The following AKT2 variants were observed in gnomAD, a reference collection of about 807,000 sequenced individuals.
The protein encoded by AKT2 is RAC-beta serine/threonine-protein kinase.
AKT2 carries 16 observed loss-of-function variants against 58.6 expected under a neutral mutation model. The ratio of observed to expected loss-of-function variants is 0.27; its 90% CI spans 0.18 to 0.41. The LOEUF (loss-of-function observed/expected upper bound fraction) is 0.41. Among genes scored for constraint, AKT2 ranks in the 10% least tolerant of loss-of-function variants. The probability of loss-of-function intolerance (pLI) is 1.00; values close to 1 mark genes in which losing one functional copy is unlikely to be tolerated. For synonymous variants in AKT2, 253 were observed against 254.0 expected (o/e 1.00, Z 0.04); for missense variants, 438 against 661.0 (o/e 0.66, Z 3.70).
intron 4 of AKT2, among the ~76,000 whole-genome samples, chr19:40,254,793 G>A (rs1319293917): frequency 2.6e-5 from 4 of 151,948 alleles, no homozygotes; most frequent in Non-Finnish European, 5.9e-5. Flanking sequence ...CCAAGATCAT[G>A]CCACTGCATT....
intron 4 of AKT2, 99 bp downstream of exon 4, chr19:40,255,059 C>A: frequency 1.0e-6 from 1 of 982,840 alleles, no homozygotes; most frequent in South Asian, 1.3e-5. Context: ...TAGGAAACCC[C>A]TATGTAGGGT....
At chr19:40,272,670 A>G (rs187358670) in intron 1 of AKT2, among the ~76,000 whole-genome samples, 2 of 152,332 alleles carry the variant, frequency 1.3e-5, no homozygotes, top group East Asian at 1.9e-4. Context: ...AAGCAGTTAT[A>G]TGATCAATGA....
At chr19:40,246,634 T>A (rs907766480) in intron 4 of AKT2, among the ~76,000 whole-genome samples, 2 of 152,228 alleles carry the variant, frequency 1.3e-5, no homozygotes, top group Non-Finnish European at 2.9e-5. Flanking sequence ...CAGACTAAGA[T>A]GTACAGCGTG....
In AKT2 at chr19:40,233,659, G is replaced by T; in HGVS notation, c.*213C>A. On this transcript the variant is annotated 3_prime_UTR_variant, in exon 14 of 14. Transcript: ENST00000392038. This position sits in a 1 kb window ranked among gnomAD's most constrained non-coding sequence, Gnocchi z 4.3. ...GGGCGGGAGGTGGAGTCTTCCAAAT[G>T]CGAGTCTGGGCACAAAGGTGAGGCT... The T allele has an allele frequency of 2.6e-6, 2 of 761,318 alleles. No homozygotes were observed. The highest frequency in any genetic ancestry group is 4.8e-6 in the Non-Finnish European group (2 of 416,434). The allele number at this position is 761,318 out of a possible 1,614,324, so 47.2% of individuals were successfully genotyped here.
chr19:40,265,108 G>A (rs906695599), intron 2 of AKT2, 114 bp downstream of exon 2: 56 of 1,479,370 alleles, frequency 3.8e-5, no homozygotes, highest in Middle Eastern at 2.3e-4. Flanking sequence ...CTGGGGCTGC[G>A]GAATGCTGGC....
intron 2 of AKT2, among the ~76,000 whole-genome samples, chr19:40,260,628 CAAAAAAAAAA>C (rs34124347): frequency 2.4e-3 from 60 of 25,000 alleles, no homozygotes; most frequent in African/African-American, 3.5e-3. Flanking sequence ...GATTCCATCT[CAAAAAAAAAA>C]AAAAAAAAAA....
intron 3 of AKT2, among the ~76,000 whole-genome samples, chr19:40,256,522 C>T (rs918451963): frequency 2.6e-5 from 4 of 152,124 alleles, no homozygotes; most frequent in African/African-American, 4.8e-5. Flanking sequence ...ACAGAGGACG[C>T]GAGGCCAGCC....
intron 3 of AKT2, 47 bp from the exon 4 acceptor site, chr19:40,255,316 G>C: frequency 2.0e-6 from 3 of 1,527,866 alleles, no homozygotes; most frequent in Non-Finnish European, 2.7e-6. Flanking sequence ...GGATAGCCCT[G>C]CTAGCCTGCA....
chr19:40,253,325 G>C (rs1975302495), intron 4 of AKT2, among the ~76,000 whole-genome samples: 1 of 152,138 alleles, frequency 6.6e-6, no homozygotes, highest in Non-Finnish European at 1.5e-5. Context: ...CTAGAAGACT[G>C]TTTCTCAAAG....
rs1038111390 is a variant in AKT2, at chr19:40,230,350, T to C, written c.*3522A>G. ...GATAGCTAGTTTATTACAGGACTGC[T>C]GGTAGCACCAAACGAAACCAAGTCA... On this transcript the variant is annotated 3_prime_UTR_variant, in exon 14 of 14. Transcript: ENST00000392038. 3 of 216,074 alleles carry C rather than the reference T, an allele frequency of 1.4e-5. No individual in the cohort carries two copies. The highest frequency in any genetic ancestry group is 2.8e-5 in the Non-Finnish European group (3 of 107,268). 13.4% of individuals were successfully genotyped at this position (216,074 alleles called of 1,614,324 possible).
intron 1 of AKT2, among the ~76,000 whole-genome samples, chr19:40,276,806 A>G (rs1178300855): frequency 6.6e-6 from 1 of 152,164 alleles, no homozygotes; most frequent in African/African-American, 2.4e-5. Flanking sequence ...ACTGGAGCCC[A>G]AAAGTTCAAG....
chr19:40,258,245 GAAAA>G (rs56202522), intron 2 of AKT2, among the ~76,000 whole-genome samples: 1 of 41,096 alleles, frequency 2.4e-5, no homozygotes, highest in Admixed American at 3.0e-4. Flanking sequence ...ACTCCGTCTC[GAAAA>G]AAAAAAAAAA....
At chr19:40,239,201 T>C in intron 7 of AKT2, 1 of 513,804 alleles carries the variant, frequency 1.9e-6, no homozygotes, top group Non-Finnish European at 3.5e-6. Flanking sequence ...CATCTTGTCC[T>C]CTGCCTCCAT....
At chr19:40,265,455 A>C in intron 1 of AKT2, 104 bp from the exon 2 acceptor site, 1 of 1,456,534 alleles carries the variant, frequency 6.9e-7, no homozygotes, top group Middle Eastern at 2.4e-4. Flanking sequence ...CTGCCCACTC[A>C]GCAAAGGGTA....
chr19:40,239,063 G>A, intron 7 of AKT2, 90 bp from the exon 8 acceptor site: 4 of 1,353,398 alleles, frequency 3.0e-6, no homozygotes, highest in Non-Finnish European at 3.1e-6. Flanking sequence ...TGCTTATTCT[G>A]CACACACACA....
chr19:40,245,091 T>G (rs1974663471), intron 4 of AKT2, among the ~76,000 whole-genome samples: 1 of 152,244 alleles, frequency 6.6e-6, no homozygotes, highest in Non-Finnish European at 1.5e-5. Context: ...CGCCTTCGAT[T>G]TGATGAAATA....
In AKT2 at chr19:40,235,423, C is replaced by T; in HGVS notation, c.1176-73G>A. The T allele has an allele frequency of 7.1e-7, 1 of 1,410,324 alleles. No individual in the cohort carries two copies. The highest frequency in any genetic ancestry group is 1.0e-6 in the Non-Finnish European group (1 of 1,002,272). The allele number at this position is 1,410,324 out of a possible 1,614,324, so 87.4% of individuals were successfully genotyped here. The stretch of plus-strand genomic sequence containing the variant: ...CGGGCAGACGGGCTTTCGGAGCAGG[C>T]AGGCCCTGTATGGCCCTTAATGATT... On this transcript the variant is annotated intron_variant, in intron 11 of 13. Coordinates refer to ENST00000392038, the MANE Select transcript of AKT2 (RefSeq NM_001626.6). This position sits in a 1 kb window ranked among gnomAD's most constrained non-coding sequence, Gnocchi z 6.3.
intron 1 of AKT2, chr19:40,284,853 A>G (rs1020586134): frequency 4.6e-6 from 1 of 215,984 alleles, no homozygotes; most frequent in Non-Finnish European, 9.1e-6. Flanking sequence ...TCGATAGCTT[A>G]GCCCGCGCAC....
chr19:40,235,713 G>A lies in AKT2; in HGVS notation c.1175+177C>T, dbSNP rs1282122392. Among the ~76,000 whole-genome samples, 1 of 152,180 alleles carries A rather than the reference G, an allele frequency of 6.6e-6. No individual in the cohort carries two copies. Among genetic ancestry groups the A allele is most frequent in the African/African-American group, 2.4e-5 (1 of 41,448 alleles). ...ATAAAATAAGGCAGTGTCAAGGATG[G>A]GCCTGCCCTGGGGGAAGCACTCCCT... is the stretch of plus-strand genomic sequence containing the variant. On this transcript the variant is annotated intron_variant, in intron 11 of 13. Coordinates refer to ENST00000392038, the MANE Select transcript of AKT2 (RefSeq NM_001626.6). This position sits in a 1 kb window ranked among gnomAD's most constrained non-coding sequence, Gnocchi z 6.3.
Sources: allele counts gnomAD v4.1 joint callset (sites outside exome capture counted in the v4.1 genomes callset), GRCh38; gene constraint gnomAD v4.1.1; non-coding constraint Gnocchi (gnomAD v3.1); transcripts MANE v1.5; gene names NCBI Gene and HGNC (gene_info 2026-07-23, HGNC 2026-07-21).